The following CPSF4L variants were observed in gnomAD, a reference collection of about 807,000 sequenced individuals.
The protein encoded by CPSF4L is cleavage and polyadenylation specific factor 4 like.
In CPSF4L, 18 loss-of-function variants were observed where a neutral mutation model predicts 24.0. That is an observed-to-expected ratio of 0.75 (90% CI 0.52 to 1.11). The LOEUF (loss-of-function observed/expected upper bound fraction) is 1.11. Ranked by LOEUF, CPSF4L falls within the 50% of genes least tolerant of loss-of-function variation. The pLI is 0.00. For missense variants in CPSF4L, 211 were observed against 221.8 expected (o/e 0.95, Z 0.31); for synonymous variants, 72 against 77.2 (o/e 0.93, Z 0.35).
At chr17:73,247,498 C>G, downstream of CPSF4L, 1 of 651,118 alleles carries the variant, frequency 1.5e-6, no homozygotes. Context: ...TGTATCACTG[C>G]TATAAATAAA....
intron 5 of CPSF4L, chr17:73,250,151 G>A: frequency 7.5e-7 from 1 of 1,326,760 alleles, no homozygotes; most frequent in Non-Finnish European, 1.0e-6. Context: ...CTCATACCCT[G>A]CTTAGGATGA....
intron 5 of CPSF4L, among the ~76,000 whole-genome samples, chr17:73,251,505 G>A (rs1231126617): frequency 1.3e-5 from 2 of 152,070 alleles, no homozygotes; most frequent in African/African-American, 2.4e-5. Context: ...CTAGACCAGG[G>A]GTCAGCAAGC....
chr17:73,247,646 A>G (rs947776151), downstream of CPSF4L: 3 of 230,948 alleles, frequency 1.3e-5, no homozygotes, highest in South Asian at 2.4e-4. Context: ...TCCTAAAAGG[A>G]TATCTGCCTT....
rs573733953 is a variant in CPSF4L, at chr17:73,255,213, C to T, written c.308-1187G>A. Among the ~76,000 whole-genome samples, 38 of 152,090 alleles carry T rather than the reference C, an allele frequency of 2.5e-4. No homozygotes were observed. In the East Asian group the frequency reaches 6.8e-3, roughly 27 times the overall value. On this transcript the variant is annotated intron_variant, in intron 3 of 5. Coordinates refer to ENST00000344935, the MANE Select transcript of CPSF4L (RefSeq NM_001129885.1). ...CAAGGTTTCGCCTAAAGGAAAGTAC[C>T]CCTAGGCCAGGCACAGTGGCTCATG...
chr17:73,260,977 G>C lies in CPSF4L; in HGVS notation c.110C>G (p.Ala37Gly). The C allele has an allele frequency of 6.5e-7, 1 of 1,550,188 alleles. No homozygotes were observed. Among genetic ancestry groups the C allele is most frequent in the South Asian group, 1.2e-5 (1 of 84,046 alleles). ...AGTGAAGAAGTTGCACACAGCTGAG[G>C]CCGACTCTGGAAGGAGAAGAGGGAA... The part of the protein sequence containing the change: ...LLPFQGMDKS[A>G]SAVCNFFTKG... The change falls in exon 2 of 6, where the codon GCC becomes GGC. Residue 37 changes from alanine (A) to glycine (G), a missense_variant. By Grantham distance (60) the Ala-to-Gly change is moderately conservative (BLOSUM62 0). Coordinates refer to ENST00000344935, the MANE Select transcript of CPSF4L (RefSeq NM_001129885.1).
intron 5 of CPSF4L, chr17:73,250,933 A>C: frequency 1.4e-6 from 2 of 1,437,610 alleles, no homozygotes; most frequent in African/African-American, 1.4e-5. Context: ...CCCAGCTCTC[A>C]GCCAAGCACT....
chr17:73,261,503 T>C (rs1480628233), intron 1 of CPSF4L, among the ~76,000 whole-genome samples: 1 of 151,678 alleles, frequency 6.6e-6, no homozygotes, highest in Non-Finnish European at 1.5e-5. Context: ...CTACTAAAAA[T>C]ACAAAAAATC....
intron 3 of CPSF4L, 25 bp from the exon 4 acceptor site, chr17:73,254,051 G>GA (rs1409605242): frequency 6.5e-7 from 1 of 1,529,122 alleles, no homozygotes; most frequent in Non-Finnish European, 8.9e-7. Flanking sequence ...ACTCTCTGTA[G>GA]AAGCAGTTTC....
intron 4 of CPSF4L, 93 bp downstream of exon 4, chr17:73,253,838 C>T (rs552924700): frequency 2.7e-5 from 21 of 772,734 alleles, no homozygotes; most frequent in African/African-American, 2.3e-4. Flanking sequence ...TTCTCCAAGG[C>T]ACAGCCTCAT....
At chr17:73,244,584 C>T (rs972378927), downstream of CPSF4L, 1 of 108,422 alleles carries the variant, frequency 9.2e-6, no homozygotes, top group African/African-American at 3.1e-5. Flanking sequence ...AAAAAAAAAA[C>T]CACCAGTATT....
At chr17:73,252,487 GTGGTGCCAGGAAAATAC>G in intron 5 of CPSF4L, 126 bp downstream of exon 5, 1 of 659,172 alleles carries the variant, frequency 1.5e-6, no homozygotes, top group Non-Finnish European at 2.8e-6. Flanking sequence ...GGGTCAGGCA[GTGGTGCCAGGAAAATAC>G]TGGAGCGGAT....
chr17:73,242,857 C>A, the CPSF4L span: 1 of 1,543,134 alleles, frequency 6.5e-7, no homozygotes, highest in Non-Finnish European at 8.9e-7. Context: ...GCCCTAGTTT[C>A]AGTTGCTGTA....
downstream of CPSF4L, chr17:73,244,690 A>T (rs550128049): frequency 6.8e-6 from 1 of 146,054 alleles, no homozygotes; most frequent in Non-Finnish European, 1.5e-5. Context: ...CATAATTCAC[A>T]CACTGGACTT....
downstream of CPSF4L, among the ~76,000 whole-genome samples, chr17:73,246,603 T>C (rs1469844086): frequency 6.6e-6 from 1 of 152,226 alleles, no homozygotes; most frequent in Non-Finnish European, 1.5e-5. Context: ...CGTTTCTCTC[T>C]CTTCTCAAAG....
intron 2 of CPSF4L, among the ~76,000 whole-genome samples, chr17:73,259,348 C>CT (rs58431014): frequency 2.9e-5 from 2 of 68,896 alleles, no homozygotes; most frequent in African/African-American, 5.9e-5. Context: ...TCCATTTTTC[C>CT]TTTTTTAAAA....
chr17:73,263,139 A>T (rs1398652798), upstream of CPSF4L, among the ~76,000 whole-genome samples: 1 of 152,164 alleles, frequency 6.6e-6, no homozygotes, highest in Non-Finnish European at 1.5e-5. Context: ...CCTTAGTTGT[A>T]TGCGTTGATT....
intron 3 of CPSF4L, among the ~76,000 whole-genome samples, chr17:73,257,065 C>G (rs898048931): frequency 6.6e-6 from 1 of 152,044 alleles, no homozygotes; most frequent in South Asian, 2.1e-4. Flanking sequence ...ACAAAGGATG[C>G]CTTGAAGCCA....
chr17:73,262,711 T>C (rs567889523), upstream of CPSF4L, among the ~76,000 whole-genome samples: 114 of 152,364 alleles, frequency 7.5e-4, no homozygotes, highest in African/African-American at 2.5e-3. Flanking sequence ...CTCCCCCTGC[T>C]CTGGCCCCAA....
At chr17:73,262,962 T>C (rs578124577), upstream of CPSF4L, among the ~76,000 whole-genome samples, 1 of 152,164 alleles carries the variant, frequency 6.6e-6, no homozygotes, top group South Asian at 2.1e-4. Context: ...GCTGGAGAGA[T>C]AGACACCTGG....
Sources: allele counts gnomAD v4.1 joint callset (sites outside exome capture counted in the v4.1 genomes callset), GRCh38; gene constraint gnomAD v4.1.1; transcripts MANE v1.5; gene names NCBI Gene and HGNC (gene_info 2026-07-23, HGNC 2026-07-21).